The following PRKRIP1 variants were observed in gnomAD, a reference collection of about 807,000 sequenced individuals.
PRKRIP1 encodes the protein PRKR interacting protein 1, also known as PRKR-interacting protein 1.
A neutral mutation model predicts 29.3 loss-of-function variants in PRKRIP1; 29 were observed. The ratio of observed to expected loss-of-function variants is 0.99; its 90% CI spans 0.74 to 1.35. The LOEUF (loss-of-function observed/expected upper bound fraction) is 1.35. Among genes scored for constraint, PRKRIP1 ranks in the 40% most tolerant of loss-of-function variants. PRKRIP1 has a pLI of 0.00. For synonymous variants in PRKRIP1, 90 were observed against 85.1 expected, an observed-to-expected ratio of 1.06 and a Z score of -0.32; for missense variants, 247 against 236.8, an observed-to-expected ratio of 1.04 and a Z score of -0.28.
At chr7:102,397,122 CTG>C (rs1409382630) in intron 1 of PRKRIP1, among the ~76,000 whole-genome samples, 1 of 152,076 alleles carries the variant, frequency 6.6e-6, no homozygotes, top group Non-Finnish European at 1.5e-5. Flanking sequence ...AAGGTGTGGA[CTG>C]TGTTATACCC....
rs1441192386 is a variant in PRKRIP1, at chr7:102,402,993, G to A, written c.307-1605G>A. On this transcript the variant is annotated intron_variant, in intron 3 of 5. Transcript: ENST00000397912. ...GGGTTCAAGCAATTCTAGTGTCTCA[G>A]CCTCCCGAGTACCTGGGATTACAGG... is the stretch of plus-strand genomic sequence containing the variant. Among the ~76,000 whole-genome samples, 7 of 151,894 alleles carry A rather than the reference G, an allele frequency of 4.6e-5. No individual in the cohort carries two copies. In the East Asian group the frequency reaches 9.6e-4, roughly 21 times the overall value.
At chr7:102,416,426 C>T (rs149830495) in intron 5 of PRKRIP1, among the ~76,000 whole-genome samples, 4 of 152,292 alleles carry the variant, frequency 2.6e-5, no homozygotes, top group Non-Finnish European at 5.9e-5. Context: ...CCTTTTCTTG[C>T]TCCAGAATCC....
intron 4 of PRKRIP1, chr7:102,405,868 T>G: frequency 3.4e-6 from 1 of 295,152 alleles, no homozygotes; most frequent in South Asian, 3.7e-5. Flanking sequence ...GAGAAATAAG[T>G]TTATTTCTAT....
chr7:102,401,155 T>C (rs1554571126), intron 3 of PRKRIP1, among the ~76,000 whole-genome samples: 1 of 151,922 alleles, frequency 6.6e-6, no homozygotes, highest in Non-Finnish European at 1.5e-5. Flanking sequence ...ATTTTATAGA[T>C]GAGGAAAATG....
intron 5 of PRKRIP1, among the ~76,000 whole-genome samples, chr7:102,413,386 C>T (rs1796445063): frequency 6.6e-6 from 1 of 152,222 alleles, no homozygotes; most frequent in Admixed American, 6.5e-5. Flanking sequence ...GAAAACTACC[C>T]ACGTCCTTTG....
At chr7:102,414,502 T>C (rs575275814) in intron 5 of PRKRIP1, among the ~76,000 whole-genome samples, 5 of 152,332 alleles carry the variant, frequency 3.3e-5, no homozygotes, top group African/African-American at 1.2e-4. Flanking sequence ...CTTTCTCCTT[T>C]TATGAAACAG....
chr7:102,397,582 G>A (rs1554570566), intron 1 of PRKRIP1, 38 bp from the exon 2 acceptor site: 2 of 1,551,714 alleles, frequency 1.3e-6, no homozygotes, highest in Non-Finnish European at 1.8e-6. Flanking sequence ...TTTGTCAACA[G>A]GTTTATACTT....
intron 1 of PRKRIP1, 122 bp downstream of exon 1, chr7:102,396,659 C>G: frequency 9.5e-7 from 1 of 1,053,286 alleles, no homozygotes; most frequent in Non-Finnish European, 1.4e-6. Flanking sequence ...ATCCGACCCT[C>G]CAAGAGCAGT....
chr7:102,400,448 G>A (rs1184268343), intron 3 of PRKRIP1, among the ~76,000 whole-genome samples: 1 of 152,106 alleles, frequency 6.6e-6, no homozygotes, highest in Admixed American at 6.6e-5. Context: ...AGCCTTGCAC[G>A]AAAGAGACCA....
intron 4 of PRKRIP1, among the ~76,000 whole-genome samples, chr7:102,405,549 C>T (rs539781167): frequency 2.0e-5 from 3 of 152,106 alleles, no homozygotes; most frequent in East Asian, 1.9e-4. Flanking sequence ...GAGTTATGAT[C>T]GCACCACTAC....
intron 4 of PRKRIP1, among the ~76,000 whole-genome samples, chr7:102,406,502 C>G (rs914547869): frequency 6.6e-6 from 1 of 152,180 alleles, no homozygotes; most frequent in African/African-American, 2.4e-5. Flanking sequence ...ACCGAGCTTT[C>G]TCACCTTTCC....
chr7:102,419,881 GTGTGTGTGTGTGTGTT>G (rs1448100797), intron 5 of PRKRIP1, among the ~76,000 whole-genome samples: 13 of 94,278 alleles, frequency 1.4e-4, no homozygotes, highest in East Asian at 5.8e-4. Context: ...GTGTGTGTGT[GTGTGTGTGTGTGTGTT>G]TTTGAGATGG....
chr7:102,408,106 C>A (rs983943471), intron 5 of PRKRIP1, among the ~76,000 whole-genome samples: 1 of 152,156 alleles, frequency 6.6e-6, no homozygotes, highest in African/African-American at 2.4e-5. Context: ...CTCCCCCGCA[C>A]GTTCCCTGGC....
At chr7:102,397,784 G>A (rs987251751) in intron 2 of PRKRIP1, 86 bp downstream of exon 2, 3 of 1,299,484 alleles carry the variant, frequency 2.3e-6, no homozygotes, top group Non-Finnish European at 3.3e-6. Flanking sequence ...GGTGGCTCAT[G>A]CCTCTAATCC....
At chr7:102,400,887 C>T (rs1425184439) in intron 3 of PRKRIP1, among the ~76,000 whole-genome samples, 33 of 152,070 alleles carry the variant, frequency 2.2e-4, no homozygotes, top group Admixed American at 2.2e-3. Context: ...CCACCTGCCT[C>T]GGCCTCCCAA....
intron 3 of PRKRIP1, among the ~76,000 whole-genome samples, chr7:102,403,536 G>A (rs1375938740): frequency 3.3e-5 from 5 of 152,118 alleles, no homozygotes; most frequent in Admixed American, 6.6e-5. Context: ...TCCCTCTGCC[G>A]CCTAGACTGG....
chr7:102,412,478 C>A (rs1290429976), intron 5 of PRKRIP1, among the ~76,000 whole-genome samples: 2 of 152,110 alleles, frequency 1.3e-5, no homozygotes, highest in African/African-American at 4.8e-5. Flanking sequence ...TGGCTTGAGC[C>A]CAGGTAGCCG....
At chr7:102,413,889 C>A (rs1272190460) in intron 5 of PRKRIP1, among the ~76,000 whole-genome samples, 2 of 152,094 alleles carry the variant, frequency 1.3e-5, no homozygotes, top group Non-Finnish European at 2.9e-5. Flanking sequence ...AATAAAATCT[C>A]AGATTCCTGG....
chr7:102,421,418 A>T (rs1796688963), intron 5 of PRKRIP1, among the ~76,000 whole-genome samples: 1 of 151,888 alleles, frequency 6.6e-6, no homozygotes, highest in African/African-American at 2.4e-5. Flanking sequence ...GGTGGCACAC[A>T]CCCATAGTCT....
Sources: gnomAD v4.1 joint callset for allele counts (sites outside exome capture counted in the v4.1 genomes callset) on GRCh38, gnomAD v4.1.1 for gene constraint, MANE v1.5 for transcripts, NCBI Gene and HGNC (gene_info 2026-07-23, HGNC 2026-07-21) for gene names.